Variants in ANKRD12 observed in about 807,000 individuals in gnomAD.
The protein encoded by ANKRD12 is ankyrin repeat domain-containing protein 12.
ANKRD12 carries 85 observed loss-of-function variants against 183.4 expected under a neutral mutation model. The ratio of observed to expected loss-of-function variants is 0.46; its 90% confidence interval spans 0.39 to 0.56. The LOEUF (loss-of-function observed/expected upper bound fraction) is 0.56. ANKRD12 is among the 20% of genes least tolerant of loss of function. The probability of loss-of-function intolerance (pLI) is 0.00; values close to 1 mark genes in which losing one functional copy is unlikely to be tolerated. For synonymous variants in ANKRD12, 914 were observed against 800.2 expected, an observed-to-expected ratio of 1.14 and a Z score of -2.40; for missense variants, 2,405 against 2,357.1, an observed-to-expected ratio of 1.02 and a Z score of -0.42.
In ANKRD12 at chr18:9,204,462, T is replaced by G; in HGVS notation, c.236-14T>G. The G allele has an allele frequency of 6.3e-7, 1 of 1,586,152 alleles. No individual in the cohort carries two copies. Among genetic ancestry groups the G allele is most frequent in the Non-Finnish European group, 8.6e-7 (1 of 1,159,160 alleles). On this transcript the variant is annotated splice_polypyrimidine_tract_variant and intron_variant, in intron 3 of 12. Transcript: ENST00000262126. Reference sequence around the variant, plus strand: ...GTGCTTTTTTCTCTTCTCCTGTCTCTTCTCATTCTGTAGATTCAGATCCAG... The same window carrying G: ...GTGCTTTTTTCTCTTCTCCTGTCTCGTCTCATTCTGTAGATTCAGATCCAG...
At chr18:9,253,666 G>A (rs1403900472) in intron 8 of ANKRD12, among the ~76,000 whole-genome samples, 1 of 152,168 alleles carries the variant, frequency 6.6e-6, no homozygotes, top group East Asian at 1.9e-4. Flanking sequence ...TATCTCTTCA[G>A]TATACTAATT....
intron 11 of ANKRD12, among the ~76,000 whole-genome samples, chr18:9,277,122 C>T (rs966332330): frequency 6.6e-6 from 1 of 152,076 alleles, no homozygotes; most frequent in Non-Finnish European, 1.5e-5. Context: ...CCTGTTGATT[C>T]CTTCTTTCTC....
In ANKRD12 at chr18:9,285,208, C is replaced by CA. The variant is rs1213192761; in HGVS notation, c.*4097dup. ...TGGGCGACAGAGCGAGACTCCGTCT[C>CA]AAAAAAAAAAAAAAAGAAAGAAAAG... On this transcript the variant is annotated 3_prime_UTR_variant, in exon 13 of 13. Coordinates refer to ENST00000262126, the MANE Select transcript of ANKRD12 (RefSeq NM_015208.5). The CA allele has an allele frequency of 0.078, 6,645 of 85,326 alleles. 200 individuals are homozygous for CA. Among genetic ancestry groups the CA allele is most frequent in the Middle Eastern group, 0.14 (19 of 134 alleles). 5.3% of individuals were successfully genotyped at this position (85,326 alleles called of 1,614,324 possible). A position where few individuals can be genotyped will look rare whatever the true frequency, so the allele number is the denominator to read the frequency against.
At chr18:9,184,595 T>G (rs1365276061) in intron 2 of ANKRD12, among the ~76,000 whole-genome samples, 1 of 152,132 alleles carries the variant, frequency 6.6e-6, no homozygotes, top group East Asian at 1.9e-4. Flanking sequence ...AGTCTGAAAC[T>G]CCTGGCCTCA....
intron 8 of ANKRD12, among the ~76,000 whole-genome samples, chr18:9,243,828 T>C (rs571768753): frequency 7.2e-5 from 11 of 152,308 alleles, no homozygotes; most frequent in Admixed American, 2.0e-4. Context: ...GGAAAATAGT[T>C]TTTTAAATTG....
chr18:9,173,231 G>A (rs981637678), intron 1 of ANKRD12, among the ~76,000 whole-genome samples: 7 of 151,930 alleles, frequency 4.6e-5, no homozygotes, highest in African/African-American at 1.7e-4. Context: ...CACCATGCCT[G>A]GCTAATTTTT....
intron 3 of ANKRD12, among the ~76,000 whole-genome samples, chr18:9,202,783 T>A (rs2035251027): frequency 6.6e-6 from 1 of 152,174 alleles, no homozygotes. Context: ...GACAGGGAAA[T>A]GTTAATAGAA....
Position 9,264,553 on chromosome 18 carries a change from T to A in ANKRD12, c.5763+665T>A, listed in dbSNP as rs76749954. Among the ~76,000 whole-genome samples the A allele has an allele frequency of 7.8e-3, 1,181 of 152,324 alleles. 12 individuals are homozygous for A. The highest frequency in any genetic ancestry group is 0.027 in the African/African-American group (1,106 of 41,578). On this transcript the variant is annotated intron_variant, in intron 10 of 12. Coordinates refer to ENST00000262126, the MANE Select transcript of ANKRD12 (RefSeq NM_015208.5). The stretch of plus-strand genomic sequence containing the variant: ...TGGCACAGGTTCTTAATTTTTTTCC[T>A]ACTGTGGACTTCTGTAACAGTCTAA...
In ANKRD12 at chr18:9,194,467, C is replaced by T. The variant is rs372857957; in HGVS notation, c.88-1084C>T. Reference sequence around the variant, plus strand: ...TGCCTCCCAGATTCAAGTGATTCTCCTGCCTCAGCCTCCTGAGTAGTTAGG... The same window carrying T: ...TGCCTCCCAGATTCAAGTGATTCTCTTGCCTCAGCCTCCTGAGTAGTTAGG... On this transcript the variant is annotated intron_variant, in intron 2 of 12. Transcript: ENST00000262126. Among the ~76,000 whole-genome samples, 33 of 152,146 alleles carry T rather than the reference C, an allele frequency of 2.2e-4. No homozygotes were observed. The South Asian group carries it at 4.6e-3, about 21-fold the overall frequency.
At position 9,208,811 on chromosome 18, in the gene ANKRD12, C is replaced by G; in HGVS notation, c.451+8C>G. On this transcript the variant is annotated splice_region_variant and intron_variant, in intron 5 of 12. Transcript: ENST00000262126. ...CAAGAGACAACAGTCCAGGTGATAC[C>G]TACCATCATTGAGTTAATGTGTATC... The G allele has an allele frequency of 1.3e-6, 2 of 1,543,004 alleles. No homozygotes were observed. Among genetic ancestry groups the G allele is most frequent in the Non-Finnish European group, 1.7e-6 (2 of 1,143,576 alleles).
At chr18:9,227,255 G>T (rs968742078) in intron 8 of ANKRD12, among the ~76,000 whole-genome samples, 16 of 152,026 alleles carry the variant, frequency 1.1e-4, no homozygotes, top group South Asian at 4.1e-4. Flanking sequence ...ATAAATCTGG[G>T]TTACAGATAT....
chr18:9,147,273 G>A (rs1399952075), intron 1 of ANKRD12, among the ~76,000 whole-genome samples: 1 of 152,030 alleles, frequency 6.6e-6, no homozygotes, highest in Non-Finnish European at 1.5e-5. Context: ...GCTAAAGTAC[G>A]TGCCTGTCAT....
At position 9,255,040 on chromosome 18, in the gene ANKRD12, G is replaced by A; in HGVS notation, c.1773G>A (p.Leu591=). 1 of 1,594,404 alleles carries A rather than the reference G, an allele frequency of 6.3e-7. No individual in the cohort carries two copies. The highest frequency in any genetic ancestry group is 8.5e-7 in the Non-Finnish European group (1 of 1,173,260). Residue 591 remains leucine, a synonymous_variant, in exon 9 of 13, where the codon TTG becomes TTA. Transcript: ENST00000262126. ...VRYDNTESEF[L]PESSSVKSCK... ...ATGATAATACAGAATCTGAATTCTT[G>A]CCAGAAAGTTCAAGTGTAAAATCTT...
chr18:9,162,289 C>T (rs2031530975), intron 1 of ANKRD12, among the ~76,000 whole-genome samples: 1 of 145,924 alleles, frequency 6.9e-6, no homozygotes, highest in South Asian at 2.2e-4. Flanking sequence ...TAAGTGAGAA[C>T]ATGTGGTGTT....
intron 2 of ANKRD12, among the ~76,000 whole-genome samples, chr18:9,194,199 C>G (rs1345694683): frequency 6.6e-6 from 1 of 152,022 alleles, no homozygotes; most frequent in Admixed American, 6.6e-5. Flanking sequence ...GATCATTAAG[C>G]CCTAGCCCCA....
chr18:9,208,559 C>T (rs562845419), intron 4 of ANKRD12, 98 bp from the exon 5 acceptor site: 20 of 986,156 alleles, frequency 2.0e-5, no homozygotes, highest in East Asian at 1.6e-4. Context: ...ACACATTTCT[C>T]ATATATATGT....
intron 1 of ANKRD12, among the ~76,000 whole-genome samples, chr18:9,151,070 A>G (rs1013233440): frequency 1.3e-5 from 2 of 152,208 alleles, no homozygotes; most frequent in Non-Finnish European, 2.9e-5. Context: ...AAAATTAACT[A>G]TTACTTTAGG....
chr18:9,153,779 A>C (rs147081821), intron 1 of ANKRD12, among the ~76,000 whole-genome samples: 47 of 151,692 alleles, frequency 3.1e-4, no homozygotes, highest in African/African-American at 1.1e-3. Flanking sequence ...CTTAACTTTT[A>C]ATATTTTGTT....
intron 7 of ANKRD12, among the ~76,000 whole-genome samples, chr18:9,220,842 G>A (rs2036381766): frequency 6.6e-6 from 1 of 152,160 alleles, no homozygotes; most frequent in South Asian, 2.1e-4. Context: ...GTATATCAAG[G>A]ACAGAGTCAT....
Sources: allele counts gnomAD v4.1 joint callset (sites outside exome capture counted in the v4.1 genomes callset), GRCh38; gene constraint gnomAD v4.1.1; transcripts MANE v1.5; gene names NCBI Gene and HGNC (gene_info 2026-07-23, HGNC 2026-07-21).